VPS13C: variants seen among roughly 807,000 people sequenced by gnomAD.
The protein encoded by VPS13C is vacuolar protein sorting 13 homolog C, also known as intermembrane lipid transfer protein VPS13C.
A neutral mutation model predicts 456.8 loss-of-function variants in VPS13C; 358 were observed. The ratio of observed to expected loss-of-function variants is 0.78; its 90% CI spans 0.72 to 0.86. The LOEUF (loss-of-function observed/expected upper bound fraction) is 0.86, where lower values mean the gene tolerates loss of function less well. VPS13C is among the 40% of genes least tolerant of loss of function. The pLI is 0.00. For missense variants in VPS13C, 4,818 were observed against 4,385.4 expected (o/e 1.10, Z -2.79); for synonymous variants, 1,578 against 1,486.7 (o/e 1.06, Z -1.41).
chr15:61,865,337 A>C, intron 81 of VPS13C: 3 of 978,916 alleles, frequency 3.1e-6, no homozygotes, highest in Non-Finnish European at 3.6e-6. Flanking sequence ...ATGAATTAAG[A>C]CGAGATAAAA....
At position 61,915,729 on chromosome 15, in the gene VPS13C, C is replaced by T. The variant is rs750516031; in HGVS notation, c.8349G>A (p.Gln2783=). 1.2e-6 allele frequency: 2 copies of T among 1,614,146 alleles called. No individual in the cohort carries two copies. Among genetic ancestry groups the T allele is most frequent in the South Asian group, 2.2e-5 (2 of 91,072 alleles). The change falls in exon 61 of 85, where the codon CAG becomes CAA. Residue 2783 remains glutamine (Q), a synonymous_variant. Coordinates refer to ENST00000644861, the MANE Select transcript of VPS13C (RefSeq NM_020821.3). ...WLINKTTRVL[Q]YRSEDIHVKH... ...TCACATGAATATCTTCTGAACGATA[C>T]TGGAGAACCCGGGTAGTCTTGTTGA... is the stretch of plus-strand genomic sequence containing the variant.
rs1337636580 is a variant in VPS13C, at chr15:61,961,619, T to G, written c.3878A>C (p.Asp1293Ala). 2 of 1,609,872 alleles carry G rather than the reference T, an allele frequency of 1.2e-6. No homozygotes were observed. The highest frequency in any genetic ancestry group is 2.2e-5 in the South Asian group (2 of 90,394). The change falls in exon 35 of 85, where the codon GAT (aspartate) becomes GCT (alanine). Residue 1293 changes from aspartate to alanine, a missense_variant. Physicochemically the swap from Asp to Ala is moderately radical, Grantham distance 126 (BLOSUM62 -2). Coordinates refer to ENST00000644861, the MANE Select transcript of VPS13C (RefSeq NM_020821.3). ...AAGTGTAAGCTTTGTTAGCTGCACA[T>G]CCATTCTATCAATTACTGGAGGATT... ...YLNPPVIDRM[D>A]VQLTKLTLYR... is the part of the protein sequence containing the mutation.
intron 34 of VPS13C, 27 bp from the exon 35 acceptor site, chr15:61,961,920 A>C (rs1267442443): frequency 6.3e-7 from 1 of 1,584,490 alleles, no homozygotes; most frequent in South Asian, 1.2e-5. Flanking sequence ...TAAAAAGAGA[A>C]ATTCAAAGAG....
intron 31 of VPS13C, 63 bp downstream of exon 31, chr15:61,964,636 C>T: frequency 6.9e-7 from 1 of 1,454,474 alleles, no homozygotes; most frequent in Non-Finnish European, 9.3e-7. Context: ...CTCTAGTATT[C>T]CTCATTTAGC....
chr15:61,983,728 A>G (rs2045953055), intron 20 of VPS13C, 92 bp downstream of exon 20: 4 of 1,328,626 alleles, frequency 3.0e-6, no homozygotes, highest in Non-Finnish European at 4.1e-6. Context: ...TTAAGTAAAT[A>G]AATGTTAAAT....
intron 37 of VPS13C, among the ~76,000 whole-genome samples, chr15:61,956,737 C>T (rs929994296): frequency 1.3e-5 from 2 of 152,018 alleles, no homozygotes; most frequent in Non-Finnish European, 2.9e-5. Flanking sequence ...AAATAAAAAC[C>T]GTAGTGAGAT....
chr15:61,925,589 T>C, intron 52 of VPS13C, 41 bp from the exon 53 acceptor site: 3 of 1,381,980 alleles, frequency 2.2e-6, no homozygotes, highest in East Asian at 2.4e-5. Context: ...CATAGATCCA[T>C]TATATACATA....
intron 9 of VPS13C, among the ~76,000 whole-genome samples, chr15:62,018,235 C>G (rs142209525): frequency 0.062 from 9,430 of 151,536 alleles, 351 homozygotes; most frequent in Non-Finnish European, 0.084. Context: ...TCTGCAAACA[C>G]GGACAATTTG....
rs1425679253 is a variant in VPS13C at position 61,913,313 on chromosome 15, G to T, written c.8548C>A (p.Leu2850Met). The stretch of plus-strand genomic sequence containing the variant: ...TAAATAAGGAAGCAGAATCTTACCA[G>T]GTACTCCATATTGTTGGCAGGACAC... ...VKCPANNMEY[L>M]VGVSIKMSSF... The change falls in exon 62 of 85, where the codon CTG becomes ATG. Residue 2850 changes from leucine to methionine, a missense_variant and splice_region_variant. By Grantham distance (15) the Leu-to-Met change is conservative. This residue lies in a region of VPS13C where 4,552 missense variants were observed against 4,130.6 expected (regional missense o/e 1.10). Transcript: ENST00000644861. 1.2e-6 allele frequency: 2 copies of T among 1,613,356 alleles called. No individual in the cohort carries two copies. The highest frequency in any genetic ancestry group is 2.2e-5 in the South Asian group (2 of 91,040).
intron 66 of VPS13C, 72 bp downstream of exon 66, chr15:61,907,192 C>A: frequency 6.2e-7 from 1 of 1,600,580 alleles, no homozygotes; most frequent in South Asian, 1.1e-5. Context: ...GACAAGGAGT[C>A]AGTGAAGATA....
In VPS13C at chr15:61,954,534, C is replaced by T. The variant is rs1486907722; in HGVS notation, c.4186G>A (p.Glu1396Lys). 2.5e-6 allele frequency: 4 copies of T among 1,580,068 alleles called. No individual in the cohort carries two copies. Among genetic ancestry groups the T allele is most frequent in the Non-Finnish European group, 3.4e-6 (4 of 1,169,198 alleles). Residue 1396 changes from glutamate to lysine, a missense_variant, in exon 38 of 85, where the codon GAA (glutamate) becomes AAA (lysine). This residue lies in a region of VPS13C where 4,552 missense variants were observed against 4,130.6 expected (regional missense o/e 1.10). Transcript: ENST00000644861. ...TGTACATCTTGTGATATAGAGATTT[C>T]AAGGGGCTCTTTAATTTCACCTGAA... ...QETGEIKEPL[E>K]ISISQDVHDS...
At chr15:61,982,664 T>A in intron 20 of VPS13C, 91 bp from the exon 21 acceptor site, 1 of 771,556 alleles carries the variant, frequency 1.3e-6, no homozygotes, top group Non-Finnish European at 2.1e-6. Flanking sequence ...TAAACAGCTG[T>A]AGCTTTGAAC....
intron 67 of VPS13C, among the ~76,000 whole-genome samples, chr15:61,885,402 T>C (rs1896194001): frequency 1.3e-5 from 2 of 152,152 alleles, no homozygotes; most frequent in Admixed American, 1.3e-4. Flanking sequence ...TGTTTAGTCA[T>C]AGTGGTTGAG....
chr15:61,922,571 A>G lies in VPS13C; in HGVS notation c.6801T>C (p.Ile2267=). The change falls in exon 54 of 85, where the codon ATT becomes ATC. Residue 2267 remains isoleucine, a synonymous_variant. Coordinates refer to ENST00000644861, the MANE Select transcript of VPS13C (RefSeq NM_020821.3). ...AATTTTCCTCTATCAGTGAATGTTC[A>G]ATGCCTTTGAAGCTTTCCGTTATTT... ...ATEITESFKG[I]EHSLIEENCG... 6.2e-7 allele frequency: 1 copy of G among 1,614,108 alleles called. No individual in the cohort carries two copies. Among genetic ancestry groups the G allele is most frequent in the Non-Finnish European group, 8.5e-7 (1 of 1,179,980 alleles).
intron 47 of VPS13C, among the ~76,000 whole-genome samples, chr15:61,938,820 T>C (rs2044317925): frequency 6.6e-6 from 1 of 152,168 alleles, no homozygotes; most frequent in South Asian, 2.1e-4. Context: ...TGAGACCCTA[T>C]TCCCTTCTCC....
intron 49 of VPS13C, among the ~76,000 whole-genome samples, chr15:61,933,427 C>G (rs1685302381): frequency 6.6e-6 from 1 of 151,878 alleles, no homozygotes; most frequent in African/African-American, 2.4e-5. Flanking sequence ...TATAAATGAA[C>G]ATATTTCATA....
At chr15:61,972,890 A>C in intron 26 of VPS13C, 126 bp from the exon 27 acceptor site, 1 of 1,029,122 alleles carries the variant, frequency 9.7e-7, no homozygotes, top group South Asian at 2.1e-5. Context: ...TCAGCATCAG[A>C]ATAGCTGCCT....
At chr15:61,885,343 C>T (rs913026172) in intron 67 of VPS13C, among the ~76,000 whole-genome samples, 2 of 152,100 alleles carry the variant, frequency 1.3e-5, no homozygotes, top group African/African-American at 2.4e-5. Context: ...ACTATTATTG[C>T]ATTATCAATT....
chr15:61,948,745 CA>C (rs2044690672), intron 42 of VPS13C, among the ~76,000 whole-genome samples: 1 of 151,508 alleles, frequency 6.6e-6, no homozygotes. Context: ...AGTTTTACAC[CA>C]AACATGCCAG....
Sources: gnomAD v4.1 joint callset for allele counts (sites outside exome capture counted in the v4.1 genomes callset) on GRCh38, gnomAD v4.1.1 for gene constraint, gnomAD v4.1.1 regional missense constraint, MANE v1.5 for transcripts, NCBI Gene and HGNC (gene_info 2026-07-23, HGNC 2026-07-21) for gene names.